TNFRSF1B: variants seen among roughly 807,000 people sequenced by gnomAD.
The protein encoded by TNFRSF1B is tumor necrosis factor receptor superfamily member 1B.
In TNFRSF1B, 19 loss-of-function variants were observed where a neutral mutation model predicts 44.6. The ratio of observed to expected loss-of-function variants is 0.43; its 90% CI spans 0.30 to 0.62. The LOEUF (loss-of-function observed/expected upper bound fraction) is 0.62, where lower values mean the gene tolerates loss of function less well. TNFRSF1B is among the 20% of genes least tolerant of loss of function. The probability of loss-of-function intolerance (pLI) is 0.16; values close to 1 mark genes in which losing one functional copy is unlikely to be tolerated. For synonymous variants in TNFRSF1B, 252 were observed against 261.1 expected (o/e 0.97, Z 0.34); for missense variants, 541 against 619.9 (o/e 0.87, Z 1.35).
At chr1:12,179,755 C>T (rs973950865) in intron 1 of TNFRSF1B, among the ~76,000 whole-genome samples, 7 of 152,166 alleles carry the variant, frequency 4.6e-5, no homozygotes, top group Non-Finnish European at 5.9e-5. Context: ...CCTGGAGTGC[C>T]GCTCACTGGC....
At chr1:12,201,624 G>GCCAT (rs1187966920) in intron 8 of TNFRSF1B, among the ~76,000 whole-genome samples, 2 of 152,088 alleles carry the variant, frequency 1.3e-5, no homozygotes, top group Admixed American at 1.3e-4. Flanking sequence ...GTGCAGATGG[G>GCCAT]GTGAAGGAAA....
rs1262970899 is a variant in TNFRSF1B at position 12,180,149 on chromosome 1, G to C, written c.79-8647G>C. Among the ~76,000 whole-genome samples, 3 of 152,116 alleles carry C rather than the reference G, an allele frequency of 2.0e-5. No homozygotes were observed. The highest frequency in any genetic ancestry group is 4.4e-5 in the Non-Finnish European group (3 of 68,028). The stretch of plus-strand genomic sequence containing the variant: ...TCCGGAACATTGAAAAGCCATGAAG[G>C]CCGGGCACAGCGGCTCACGCCTGTA... On this transcript the variant is annotated intron_variant, in intron 1 of 9. Transcript: ENST00000376259. The surrounding 1 kb of genome is among the most constrained non-coding windows in gnomAD (Gnocchi z 4.3).
At position 12,171,532 on chromosome 1, in the gene TNFRSF1B, A is replaced by G. The variant is rs540209921; in HGVS notation, c.78+4363A>G. Among the ~76,000 whole-genome samples the G allele has an allele frequency of 6.6e-6, 1 of 152,308 alleles. No homozygotes were observed. The highest frequency in any genetic ancestry group is 2.4e-5 in the African/African-American group (1 of 41,556). Reference sequence around the variant, plus strand: ...TCCCTGACCTGCTTTGTATTCCTGTATAATGCTCTTGACCTATTCTATTTA... The same window carrying G: ...TCCCTGACCTGCTTTGTATTCCTGTGTAATGCTCTTGACCTATTCTATTTA... On this transcript the variant is annotated intron_variant, in intron 1 of 9. Transcript: ENST00000376259. This position sits in a 1 kb window ranked among gnomAD's most constrained non-coding sequence, Gnocchi z 4.5.
chr1:12,183,707 T>TCTAGCTATCTAG (rs1638884965), intron 1 of TNFRSF1B, among the ~76,000 whole-genome samples: 2 of 107,006 alleles, frequency 1.9e-5, no homozygotes, highest in African/African-American at 6.1e-5. Flanking sequence ...TATCTATCTA[T>TCTAGCTATCTAG]CTATTCTATC....
chr1:12,167,197 A>G, intron 1 of TNFRSF1B, 28 bp downstream of exon 1: 2 of 1,246,738 alleles, frequency 1.6e-6, no homozygotes, highest in South Asian at 3.0e-5. Flanking sequence ...CCCACGGGGG[A>G]CAGCCGCCCC....
intron 1 of TNFRSF1B, among the ~76,000 whole-genome samples, chr1:12,172,498 T>G (rs1413699912): frequency 1.3e-5 from 2 of 152,234 alleles, no homozygotes; most frequent in Non-Finnish European, 2.9e-5. Context: ...CCCGACTCTC[T>G]GGGCCATGGG....
rs1407924607 is a variant in TNFRSF1B at position 12,207,784 on chromosome 1, C to G, written c.*764C>G. 1 of 152,248 alleles carries G rather than the reference C, an allele frequency of 6.6e-6. No individual in the cohort carries two copies. The highest frequency in any genetic ancestry group is 2.4e-5 in the African/African-American group (1 of 41,400). The allele number at this position is 152,248 out of a possible 1,614,324, so 9.4% of individuals were successfully genotyped here. On this transcript the variant is annotated 3_prime_UTR_variant, in exon 10 of 10. Transcript: ENST00000376259. Reference sequence around the variant, plus strand: ...AATTAGCCGGGCGTGGTGGCGGGCACCTATAGTCCCAGCTACTCAGAAGCC... The same window carrying G: ...AATTAGCCGGGCGTGGTGGCGGGCAGCTATAGTCCCAGCTACTCAGAAGCC...
At chr1:12,203,320 C>T (rs1274312436) in intron 9 of TNFRSF1B, among the ~76,000 whole-genome samples, 2 of 152,194 alleles carry the variant, frequency 1.3e-5, no homozygotes, top group African/African-American at 4.8e-5. Context: ...GGCACCAGAC[C>T]AGGGCCAGGC....
Position 12,202,817 on chromosome 1 carries a change from A to G in TNFRSF1B, c.1105+646A>G, listed in dbSNP as rs542815660. On this transcript the variant is annotated intron_variant, in intron 9 of 9. Coordinates refer to ENST00000376259, the MANE Select transcript of TNFRSF1B (RefSeq NM_001066.3). ...GGTTAAACAGCTTCTTCAAGGGCAC[A>G]TGGCTAGTAAACAGAAGAGCCAGAC... is the stretch of plus-strand genomic sequence containing the variant. 2.4e-4 allele frequency among the ~76,000 whole-genome samples: 36 copies of G among 152,356 alleles called. No individual in the cohort carries two copies. The South Asian group carries it at 7.2e-3, about 31-fold the overall frequency.
intron 1 of TNFRSF1B, among the ~76,000 whole-genome samples, chr1:12,173,383 A>G (rs1638563370): frequency 6.6e-6 from 1 of 151,966 alleles, no homozygotes; most frequent in Non-Finnish European, 1.5e-5. Context: ...CCTCAATCTC[A>G]CTTGCTTTGG....
intron 4 of TNFRSF1B, among the ~76,000 whole-genome samples, chr1:12,192,172 T>C (rs1639152287): frequency 6.6e-6 from 1 of 152,102 alleles, no homozygotes; most frequent in Non-Finnish European, 1.5e-5. Context: ...AGCCCTAAGC[T>C]AGGAAAGTTA....
chr1:12,207,007 T>C lies in TNFRSF1B; in HGVS notation c.1373T>C (p.Met458Thr). Residue 458 changes from methionine to threonine, a missense_variant, in exon 10 of 10, where the codon ATG becomes ACG. Physicochemically the swap from Met to Thr is moderately conservative, Grantham distance 81 (BLOSUM62 -1). Transcript: ENST00000376259. Reference sequence around the variant, plus strand: ...CCCCTTGGAGTGCCTGATGCTGGGATGAAGCCCAGTTAACCAGGCCGGTGT... The same window carrying C: ...CCCCTTGGAGTGCCTGATGCTGGGACGAAGCCCAGTTAACCAGGCCGGTGT... Reference protein sequence around the residue: ...PLPLGVPDAGMKPS With the variant: ...PLPLGVPDAGTKPS 6.3e-7 allele frequency: 1 copy of C among 1,587,242 alleles called. No homozygotes were observed. Among genetic ancestry groups the C allele is most frequent in the Non-Finnish European group, 8.6e-7 (1 of 1,161,312 alleles).
chr1:12,208,268 C>T lies in TNFRSF1B; in HGVS notation c.*1248C>T, dbSNP rs545040559. ...CTAGAGATGACTGAGTCCTCGTAGC[C>T]ATCTCTCTACTCCTACCTCAGCCTA... On this transcript the variant is annotated 3_prime_UTR_variant, in exon 10 of 10. Transcript: ENST00000376259. The T allele has an allele frequency of 2.6e-5, 4 of 152,920 alleles. No individual in the cohort carries two copies. Among genetic ancestry groups the T allele is most frequent in the South Asian group, 4.1e-4 (2 of 4,830 alleles). The allele number at this position is 152,920 out of a possible 1,614,324, so 9.5% of individuals were successfully genotyped here.
chr1:12,193,741 C>A (rs1372506359), intron 6 of TNFRSF1B, among the ~76,000 whole-genome samples: 1 of 152,196 alleles, frequency 6.6e-6, no homozygotes, highest in Admixed American at 6.5e-5. Context: ...TGGGGTAGAA[C>A]TGCATCAGGC....
At chr1:12,179,425 C>T (rs766087173) in intron 1 of TNFRSF1B, among the ~76,000 whole-genome samples, 3 of 152,240 alleles carry the variant, frequency 2.0e-5, no homozygotes, top group Non-Finnish European at 2.9e-5. Flanking sequence ...CTGCCTCCCA[C>T]CACGCCCTAG....
At chr1:12,185,071 C>T (rs769148581) in intron 1 of TNFRSF1B, among the ~76,000 whole-genome samples, 18 of 152,100 alleles carry the variant, frequency 1.2e-4, no homozygotes, top group East Asian at 1.9e-4. Context: ...GGGGGTTTGC[C>T]GAGGGCCAGG....
At chr1:12,204,148 C>T (rs891697312) in intron 9 of TNFRSF1B, among the ~76,000 whole-genome samples, 3 of 152,102 alleles carry the variant, frequency 2.0e-5, no homozygotes, top group Non-Finnish European at 2.9e-5. Context: ...CTCCTTCTCC[C>T]GAGTCCCCCA....
At chr1:12,198,121 CAAAA>C (rs5772486) in intron 8 of TNFRSF1B, among the ~76,000 whole-genome samples, 4 of 98,758 alleles carry the variant, frequency 4.1e-5, no homozygotes, top group Admixed American at 1.1e-4. Flanking sequence ...GACTCCATCT[CAAAA>C]AAAAAAAAAA....
At chr1:12,204,461 C>T (rs993889840) in intron 9 of TNFRSF1B, among the ~76,000 whole-genome samples, 4 of 152,170 alleles carry the variant, frequency 2.6e-5, no homozygotes, top group East Asian at 3.9e-4. Flanking sequence ...CTACCCTATC[C>T]GAGTAGTTGG....
Sources: allele counts gnomAD v4.1 joint callset (sites outside exome capture counted in the v4.1 genomes callset), GRCh38; gene constraint gnomAD v4.1.1; non-coding constraint Gnocchi (gnomAD v3.1); transcripts MANE v1.5; gene names NCBI Gene and HGNC (gene_info 2026-07-23, HGNC 2026-07-21).